The following DLGAP2 variants were observed in gnomAD, a reference collection of about 807,000 sequenced individuals.
The protein encoded by DLGAP2 is DLG associated protein 2, also known as disks large-associated protein 2.
In DLGAP2, 26 loss-of-function variants were observed where a neutral mutation model predicts 100.3. The observed-to-expected ratio is 0.26, with a 90% CI of 0.19 to 0.36. The LOEUF (loss-of-function observed/expected upper bound fraction) is 0.36. Among genes scored for constraint, DLGAP2 ranks in the 10% least tolerant of loss-of-function variants. The pLI is 1.00. For synonymous variants in DLGAP2, 886 were observed against 630.1 expected, an observed-to-expected ratio of 1.41 and a Z score of -6.08; for missense variants, 1,858 against 1,453.2, an observed-to-expected ratio of 1.28 and a Z score of -4.53.
intron 3 of DLGAP2, among the ~76,000 whole-genome samples, chr8:1,455,902 G>T (rs1019993113): frequency 6.6e-6 from 1 of 152,178 alleles, no homozygotes; most frequent in African/African-American, 2.4e-5. Flanking sequence ...GCCTCTGCCC[G>T]GCACGAAATC....
At chr8:1,482,669 G>A (rs1481049880) in intron 3 of DLGAP2, among the ~76,000 whole-genome samples, 2 of 152,200 alleles carry the variant, frequency 1.3e-5, no homozygotes, top group African/African-American at 4.8e-5. Context: ...GTCCCTGCGC[G>A]GTGGTTCCCA....
Position 1,704,672 on chromosome 8 carries a change from G to A in DLGAP2, c.*3266G>A, listed in dbSNP as rs1168577770. ...GTTTTGTTTAAAAGGAAATGTTGAT[G>A]TTTTCAACTCCAAATCAATTCTAAA... On this transcript the variant is annotated 3_prime_UTR_variant, in exon 15 of 15. Transcript: ENST00000637795. The A allele has an allele frequency of 1.3e-5, 2 of 151,936 alleles. No homozygotes were observed. The highest frequency in any genetic ancestry group is 6.6e-5 in the Admixed American group (1 of 15,246). 9.4% of individuals were successfully genotyped at this position (151,936 alleles called of 1,614,324 possible).
chr8:1,681,186 T>C (rs1243715789), intron 12 of DLGAP2, among the ~76,000 whole-genome samples: 2 of 152,240 alleles, frequency 1.3e-5, no homozygotes, highest in Non-Finnish European at 2.9e-5. Context: ...GTTGTAGTCT[T>C]CTTTGGAAGG....
intron 3 of DLGAP2, among the ~76,000 whole-genome samples, chr8:1,480,955 G>A (rs1026063159): frequency 4.6e-5 from 7 of 151,956 alleles, no homozygotes; most frequent in African/African-American, 7.3e-5. Flanking sequence ...GGCAGATCAC[G>A]AGGTCAGGAG....
intron 6 of DLGAP2, among the ~76,000 whole-genome samples, chr8:1,572,990 A>AG (rs1802800171): frequency 1.5e-5 from 1 of 68,510 alleles, no homozygotes; most frequent in Non-Finnish European, 2.8e-5. Context: ...GGTGAACTGG[A>AG]GGGGCGTCTT....
intron 2 of DLGAP2, among the ~76,000 whole-genome samples, chr8:1,202,373 G>C (rs1043377519): frequency 1.3e-5 from 2 of 151,994 alleles, no homozygotes; most frequent in African/African-American, 4.8e-5. Flanking sequence ...CACCTGTTGT[G>C]CTGTGCAGTG....
At chr8:778,325 T>C (rs527880692) in intron 1 of DLGAP2, among the ~76,000 whole-genome samples, 1 of 152,372 alleles carries the variant, frequency 6.6e-6, no homozygotes, top group Non-Finnish European at 1.5e-5. Context: ...TTTGATCGTC[T>C]GAAGCCTTCT....
intron 3 of DLGAP2, among the ~76,000 whole-genome samples, chr8:1,390,124 A>C (rs1408975437): frequency 6.6e-6 from 1 of 151,982 alleles, no homozygotes; most frequent in African/African-American, 2.4e-5. Context: ...CTTAGAGGAG[A>C]AGCTCTTCCA....
intron 2 of DLGAP2, among the ~76,000 whole-genome samples, chr8:941,514 G>T (rs927166348): frequency 1.4e-4 from 22 of 152,168 alleles, no homozygotes; most frequent in Admixed American, 1.4e-3. Flanking sequence ...TTTAAAAACC[G>T]TGGAAGAGTG....
At chr8:1,357,877 C>T (rs59266662) in intron 3 of DLGAP2, among the ~76,000 whole-genome samples, 10,272 of 152,202 alleles carry the variant, frequency 0.067, 395 homozygotes, top group Middle Eastern at 0.15. Context: ...GAGCAGCTGC[C>T]CCTGCACCTG....
chr8:943,350 T>G (rs913882586), intron 2 of DLGAP2, among the ~76,000 whole-genome samples: 1 of 152,260 alleles, frequency 6.6e-6, no homozygotes, highest in African/African-American at 2.4e-5. Flanking sequence ...GTGAAGTCCT[T>G]GAAATCCAGT....
At chr8:1,131,980 G>A (rs1413585508) in intron 2 of DLGAP2, among the ~76,000 whole-genome samples, 2 of 152,142 alleles carry the variant, frequency 1.3e-5, no homozygotes, top group African/African-American at 2.4e-5. Flanking sequence ...GGTGTCTTAA[G>A]CTTGACCAGC....
chr8:794,633 C>T (rs971917360), intron 1 of DLGAP2, among the ~76,000 whole-genome samples: 4 of 151,244 alleles, frequency 2.6e-5, no homozygotes, highest in African/African-American at 7.2e-5. Flanking sequence ...CCAGGTGTTC[C>T]TTGCCCGCAT....
intron 2 of DLGAP2, among the ~76,000 whole-genome samples, chr8:1,078,435 A>G (rs528326346): frequency 6.6e-6 from 1 of 152,286 alleles, no homozygotes; most frequent in African/African-American, 2.4e-5. Flanking sequence ...CACAGCTTAT[A>G]TCACATCCAG....
intron 1 of DLGAP2, among the ~76,000 whole-genome samples, chr8:832,830 C>G (rs1011691772): frequency 3.9e-5 from 6 of 152,128 alleles, no homozygotes; most frequent in African/African-American, 9.7e-5. Flanking sequence ...AGCTGAGCAG[C>G]GAAGACACTG....
chr8:1,112,462 G>T (rs1401698464), intron 2 of DLGAP2, among the ~76,000 whole-genome samples: 1 of 152,004 alleles, frequency 6.6e-6, no homozygotes. Context: ...GGATGGTCTC[G>T]ATCTCCTCAC....
chr8:1,271,981 T>G (rs1048623503), intron 3 of DLGAP2, among the ~76,000 whole-genome samples: 1 of 152,060 alleles, frequency 6.6e-6, no homozygotes, highest in Non-Finnish European at 1.5e-5. Flanking sequence ...CAGCTAGTTT[T>G]TGGATTTTTT....
intron 3 of DLGAP2, among the ~76,000 whole-genome samples, chr8:1,436,697 TC>T (rs1207599577): frequency 1.3e-5 from 2 of 152,066 alleles, no homozygotes; most frequent in Non-Finnish European, 2.9e-5. Context: ...CAGTGATGTC[TC>T]GGGCCGCGCA....
intron 3 of DLGAP2, among the ~76,000 whole-genome samples, chr8:1,385,884 G>A (rs1331908199): frequency 5.3e-5 from 8 of 152,072 alleles, no homozygotes; most frequent in Admixed American, 2.0e-4. Context: ...GCCTGTGCCC[G>A]GCCCCTGAGA....
Sources: allele counts gnomAD v4.1 joint callset (sites outside exome capture counted in the v4.1 genomes callset), GRCh38; gene constraint gnomAD v4.1.1; transcripts MANE v1.5; gene names NCBI Gene and HGNC (gene_info 2026-07-23, HGNC 2026-07-21).